The following HP1BP3 variants were observed in gnomAD, a reference collection of about 807,000 sequenced individuals.
HP1BP3 encodes the protein heterochromatin protein 1 binding protein 3.
In HP1BP3, 12 loss-of-function variants were observed where a neutral mutation model predicts 62.5. The observed-to-expected ratio is 0.19, with a 90% CI of 0.12 to 0.31. The LOEUF (loss-of-function observed/expected upper bound fraction) is 0.31. HP1BP3 is among the 10% of genes least tolerant of loss of function. The pLI, the probability that HP1BP3 is intolerant of heterozygous loss-of-function variation, is 1.00. For missense variants in HP1BP3, 502 were observed against 651.8 expected, an observed-to-expected ratio of 0.77 and a Z score of 2.50; for synonymous variants, 260 against 237.8, an observed-to-expected ratio of 1.09 and a Z score of -0.86.
chr1:20,780,418 C>T lies in HP1BP3; in HGVS notation c.23G>A (p.Gly8Asp), dbSNP rs201012596. The stretch of plus-strand genomic sequence containing the variant: ...GAGTGCCTTAGGATGGACGAGTTCA[C>T]CTTGAGACGTATCAGTCGCCATTTT... MATDTSQ[G>D]ELVHPKALPL... Residue 8 changes from glycine (G) to aspartate (D), a missense_variant, in exon 2 of 13, where the codon GGT becomes GAT. Gly to Asp is a moderately conservative substitution (Grantham distance 94). Coordinates refer to ENST00000438032, the MANE Select transcript of HP1BP3 (RefSeq NM_001372052.1). The T allele has an allele frequency of 3.7e-5, 59 of 1,613,540 alleles. No homozygotes were observed. The East Asian group carries it at 1.3e-3, about 36-fold the overall frequency.
At chr1:20,751,563 A>G (rs1303791355) in intron 9 of HP1BP3, among the ~76,000 whole-genome samples, 2 of 151,992 alleles carry the variant, frequency 1.3e-5, no homozygotes, top group African/African-American at 4.8e-5. Context: ...TCTCTCTACT[A>G]AAAATAAAAA....
At chr1:20,758,823 AT>A (rs35204512) in intron 8 of HP1BP3, among the ~76,000 whole-genome samples, 8 of 142,978 alleles carry the variant, frequency 5.6e-5, no homozygotes, top group Admixed American at 7.1e-5. Flanking sequence ...AATTTTTGTT[AT>A]TTTTTTTTTG....
chr1:20,776,455 A>G, intron 4 of HP1BP3, 142 bp downstream of exon 4: 1 of 727,724 alleles, frequency 1.4e-6, no homozygotes, highest in East Asian at 2.7e-5. Flanking sequence ...TAATAAACCT[A>G]TTTCAAATGG....
In HP1BP3 at chr1:20,740,311, T is replaced by C. The variant is rs916879824; in HGVS notation, c.*4486A>G. On this transcript the variant is annotated 3_prime_UTR_variant, in exon 13 of 13. Coordinates refer to ENST00000438032, the MANE Select transcript of HP1BP3 (RefSeq NM_001372052.1). Reference sequence around the variant, plus strand: ...ATTTAATAGTGAACAGTGTTAATTATACATTATATACAATATCAGGAAAAA... The same window carrying C: ...ATTTAATAGTGAACAGTGTTAATTACACATTATATACAATATCAGGAAAAA... Among the ~76,000 whole-genome samples the C allele has an allele frequency of 2.0e-5, 3 of 152,298 alleles. No homozygotes were observed. Among genetic ancestry groups the C allele is most frequent in the African/African-American group, 7.2e-5 (3 of 41,528 alleles).
chr1:20,747,458 A>C (rs1391689221), intron 11 of HP1BP3, 86 bp downstream of exon 11: 2 of 866,468 alleles, frequency 2.3e-6, no homozygotes, highest in Non-Finnish European at 3.6e-6. Context: ...AGTTCACTAA[A>C]ACAGTAATAA....
intron 11 of HP1BP3, among the ~76,000 whole-genome samples, chr1:20,747,019 A>C (rs2055382896): frequency 6.6e-6 from 1 of 152,218 alleles, no homozygotes; most frequent in Non-Finnish European, 1.5e-5. Flanking sequence ...GTCTCAAAAA[A>C]CAAAAACAAA....
At chr1:20,751,868 A>C (rs1226253994) in intron 9 of HP1BP3, among the ~76,000 whole-genome samples, 1 of 152,220 alleles carries the variant, frequency 6.6e-6, no homozygotes, top group Non-Finnish European at 1.5e-5. Flanking sequence ...ATGCTCTACA[A>C]AACTGTTTAG....
At position 20,755,447 on chromosome 1, in the gene HP1BP3, C is replaced by G. The variant is rs985376066; in HGVS notation, c.981+1719G>C. ...ATTAATCAGGCATGGTGGTGGTGCA[C>G]GCCTATAATCCCAGCTATTAGGGAG... is the stretch of plus-strand genomic sequence containing the variant. On this transcript the variant is annotated intron_variant, in intron 9 of 12. Coordinates refer to ENST00000438032, the MANE Select transcript of HP1BP3 (RefSeq NM_001372052.1). 6 of 427,282 alleles carry G rather than the reference C, an allele frequency of 1.4e-5. No homozygotes were observed. The Admixed American group carries it at 1.5e-4, about 10-fold the overall frequency. 26.5% of individuals were successfully genotyped at this position (427,282 alleles called of 1,614,324 possible).
intron 8 of HP1BP3, among the ~76,000 whole-genome samples, chr1:20,765,122 T>C (rs2056712331): frequency 1.4e-5 from 2 of 138,684 alleles, no homozygotes; most frequent in Non-Finnish European, 3.0e-5. Context: ...TGAGTTGAGA[T>C]GGTGCCACTG....
intron 8 of HP1BP3, among the ~76,000 whole-genome samples, chr1:20,763,859 A>G (rs2056620393): frequency 6.6e-6 from 1 of 152,222 alleles, no homozygotes; most frequent in African/African-American, 2.4e-5. Context: ...TTCTCATGAA[A>G]TATATATATG....
chr1:20,757,518 T>G (rs1009448185), intron 8 of HP1BP3, among the ~76,000 whole-genome samples: 1 of 151,900 alleles, frequency 6.6e-6, no homozygotes, highest in Non-Finnish European at 1.5e-5. Context: ...ATAACAGGCA[T>G]GCGCCACCAC....
At position 20,754,514 on chromosome 1, in the gene HP1BP3, C is replaced by T. The variant is rs552389303; in HGVS notation, c.981+2652G>A. 2.2e-4 allele frequency among the ~76,000 whole-genome samples: 33 copies of T among 151,338 alleles called. No individual in the cohort carries two copies. In the South Asian group the frequency reaches 6.5e-3, roughly 30 times the overall value. On this transcript the variant is annotated intron_variant, in intron 9 of 12. Transcript: ENST00000438032. ...AATGGACAATTTGTATGGAACTGTA[C>T]AGGACCCGGCATAGTCAAAACATTC... is the stretch of plus-strand genomic sequence containing the variant.
Position 20,780,407 on chromosome 1 carries a change from G to A in HP1BP3, c.34C>T (p.His12Tyr). Reference protein sequence around the residue: ...ATDTSQGELVHPKALPLIVGA... With the variant: ...ATDTSQGELVYPKALPLIVGA... Reference sequence around the variant, plus strand: ...ACTATAAGTGGGAGTGCCTTAGGATGGACGAGTTCACCTTGAGACGTATCA... The same window carrying A: ...ACTATAAGTGGGAGTGCCTTAGGATAGACGAGTTCACCTTGAGACGTATCA... Residue 12 changes from histidine to tyrosine, a missense_variant, in exon 2 of 13, where the codon CAT becomes TAT. His to Tyr is a moderately conservative substitution (Grantham distance 83). Coordinates refer to ENST00000438032, the MANE Select transcript of HP1BP3 (RefSeq NM_001372052.1). 3.1e-6 allele frequency: 5 copies of A among 1,613,882 alleles called. No homozygotes were observed. The highest frequency in any genetic ancestry group is 4.2e-6 in the Non-Finnish European group (5 of 1,179,798).
At position 20,742,246 on chromosome 1, in the gene HP1BP3, C is replaced by T. The variant is rs913913627; in HGVS notation, c.*2551G>A. 6.6e-6 allele frequency among the ~76,000 whole-genome samples: 1 copy of T among 152,206 alleles called. No homozygotes were observed. Among genetic ancestry groups the T allele is most frequent in the African/African-American group, 2.4e-5 (1 of 41,456 alleles). On this transcript the variant is annotated 3_prime_UTR_variant, in exon 13 of 13. Transcript: ENST00000438032. ...CAGAATTCTGAGCACAGGTACCTAA[C>T]ATCCATACTATTAAGAATCATTACT...
At chr1:20,748,142 T>C (rs774971150) in intron 10 of HP1BP3, among the ~76,000 whole-genome samples, 8 of 151,800 alleles carry the variant, frequency 5.3e-5, no homozygotes, top group Non-Finnish European at 1.0e-4. Context: ...TGCTCTAAGG[T>C]AGCACATAAA....
intron 8 of HP1BP3, among the ~76,000 whole-genome samples, chr1:20,760,443 C>G (rs1484278771): frequency 6.6e-6 from 1 of 151,926 alleles, no homozygotes. Context: ...TTTGAGGCCA[C>G]AGTGGGAGGA....
intron 5 of HP1BP3, among the ~76,000 whole-genome samples, chr1:20,771,713 G>A (rs888922987): frequency 2.6e-5 from 4 of 152,268 alleles, no homozygotes; most frequent in Admixed American, 6.5e-5. Context: ...CACAAAGGCA[G>A]CAAATACTTA....
chr1:20,783,013 G>A (rs976473125), intron 1 of HP1BP3, among the ~76,000 whole-genome samples: 1 of 127,238 alleles, frequency 7.9e-6, no homozygotes, highest in East Asian at 2.0e-4. Flanking sequence ...TTGGAAGACT[G>A]AGATGGGAGG....
At chr1:20,748,727 G>A (rs1027516606) in intron 10 of HP1BP3, among the ~76,000 whole-genome samples, 1 of 151,164 alleles carries the variant, frequency 6.6e-6, no homozygotes, top group Non-Finnish European at 1.5e-5. Context: ...GCACCACTGC[G>A]CCCCCCAGCC....
Sources: gnomAD v4.1 joint callset for allele counts (sites outside exome capture counted in the v4.1 genomes callset) on GRCh38, gnomAD v4.1.1 for gene constraint, MANE v1.5 for transcripts, NCBI Gene and HGNC (gene_info 2026-07-23, HGNC 2026-07-21) for gene names.